The following DPP10 variants were observed in gnomAD, a reference collection of about 807,000 sequenced individuals.
DPP10 encodes the protein dipeptidyl peptidase like 10.
Under a neutral mutation model 120.9 loss-of-function variants are expected in DPP10, and 33 were observed. The observed-to-expected ratio is 0.27, with a 90% confidence interval of 0.21 to 0.37. DPP10 has a LOEUF of 0.37. Ranked by LOEUF, DPP10 falls within the 10% of genes least tolerant of loss-of-function variation. The probability of loss-of-function intolerance (pLI) is 1.00; values close to 1 mark genes in which losing one functional copy is unlikely to be tolerated. For missense variants in DPP10, 816 were observed against 942.8 expected (o/e 0.87, Z 1.76); for synonymous variants, 337 against 326.1 (o/e 1.03, Z -0.36).
At chr2:115,476,172 G>A (rs981797932) in intron 3 of DPP10, among the ~76,000 whole-genome samples, 11 of 152,104 alleles carry the variant, frequency 7.2e-5, no homozygotes, top group African/African-American at 2.4e-4. Flanking sequence ...CTCCAATGCT[G>A]GACCTAAAGC....
At chr2:115,172,387 A>T (rs1403724525) in intron 1 of DPP10, among the ~76,000 whole-genome samples, 2 of 152,006 alleles carry the variant, frequency 1.3e-5, no homozygotes, top group Non-Finnish European at 2.9e-5. Flanking sequence ...CCGTCTCAAA[A>T]AAAAAAAAAA....
At chr2:114,662,933 CACTTTTGATT>C (rs1251788333) in intron 1 of DPP10, among the ~76,000 whole-genome samples, 2 of 152,112 alleles carry the variant, frequency 1.3e-5, no homozygotes, top group Non-Finnish European at 2.9e-5. Flanking sequence ...CGCCTTAAGG[CACTTTTGATT>C]GAGTTCTTGT....
intron 1 of DPP10, among the ~76,000 whole-genome samples, chr2:114,843,791 G>A (rs1688342511): frequency 6.6e-6 from 1 of 152,080 alleles, no homozygotes. Flanking sequence ...TCCCTGCCGA[G>A]GGAGATTGTC....
chr2:115,565,676 G>T lies in DPP10; in HGVS notation c.441+39704G>T, dbSNP rs1469063719. Among the ~76,000 whole-genome samples the T allele has an allele frequency of 2.6e-5, 4 of 151,058 alleles. No homozygotes were observed. In the East Asian group the frequency reaches 7.8e-4, roughly 29 times the overall value. On this transcript the variant is annotated intron_variant, in intron 5 of 25. Transcript: ENST00000410059. ...GACTTGATATTTTTAAGGAGTACGGGACAATTATTTTATAGATGCTGCTCC... is the reference window on the plus strand; with the variant it reads ...GACTTGATATTTTTAAGGAGTACGGTACAATTATTTTATAGATGCTGCTCC...
intron 3 of DPP10, chr2:115,468,363 C>G: frequency 2.0e-6 from 1 of 510,376 alleles, no homozygotes; most frequent in Admixed American, 2.0e-5. Flanking sequence ...CTGCTTCACT[C>G]TTGGGATGTT....
intron 1 of DPP10, among the ~76,000 whole-genome samples, chr2:115,038,586 A>G (rs1704402875): frequency 6.6e-6 from 1 of 152,076 alleles, no homozygotes; most frequent in Admixed American, 6.5e-5. Flanking sequence ...CTCAGCACAT[A>G]TTTATTAGGC....
chr2:115,508,568 T>C (rs569210476), intron 4 of DPP10, among the ~76,000 whole-genome samples: 58 of 152,336 alleles, frequency 3.8e-4, no homozygotes, highest in African/African-American at 1.3e-3. Context: ...TCTAATGCAT[T>C]GGCTGTATCT....
intron 1 of DPP10, among the ~76,000 whole-genome samples, chr2:115,255,435 GA>G (rs1317736197): frequency 6.6e-6 from 1 of 152,202 alleles, no homozygotes; most frequent in Admixed American, 6.5e-5. Flanking sequence ...AGAGGTCTCT[GA>G]CATGCCCTAA....
chr2:115,311,344 T>C (rs115314475), intron 2 of DPP10, among the ~76,000 whole-genome samples: 1 of 152,332 alleles, frequency 6.6e-6, no homozygotes, highest in Non-Finnish European at 1.5e-5. Flanking sequence ...CTGCTGCTGC[T>C]ATTCCTTTGA....
intron 1 of DPP10, among the ~76,000 whole-genome samples, chr2:114,842,228 G>A (rs1013875747): frequency 1.3e-5 from 2 of 152,008 alleles, no homozygotes; most frequent in Non-Finnish European, 2.9e-5. Context: ...CAACAATTAT[G>A]TCTTATCTAC....
intron 1 of DPP10, among the ~76,000 whole-genome samples, chr2:114,603,500 A>G (rs1160913156): frequency 1.3e-5 from 2 of 152,056 alleles, no homozygotes; most frequent in Admixed American, 6.6e-5. Flanking sequence ...AACTCCAAAC[A>G]TAGTACCTAA....
intron 5 of DPP10, among the ~76,000 whole-genome samples, chr2:115,653,509 A>C (rs2087992072): frequency 6.6e-6 from 1 of 151,968 alleles, no homozygotes; most frequent in Admixed American, 6.6e-5. Context: ...TACTTTATTT[A>C]ATGCTCCTAA....
chr2:114,906,590 T>C (rs1271197560), intron 1 of DPP10, among the ~76,000 whole-genome samples: 1 of 152,098 alleles, frequency 6.6e-6, no homozygotes, highest in African/African-American at 2.4e-5. Flanking sequence ...TTTCTAATGG[T>C]TTTTCTGTAG....
At chr2:115,576,823 C>A (rs1268348841) in intron 5 of DPP10, among the ~76,000 whole-genome samples, 2 of 152,190 alleles carry the variant, frequency 1.3e-5, no homozygotes, top group African/African-American at 2.4e-5. Context: ...CAACAGTGGG[C>A]AGTACATAAT....
intron 1 of DPP10, among the ~76,000 whole-genome samples, chr2:115,082,688 G>A (rs910668712): frequency 8.5e-5 from 13 of 152,136 alleles, no homozygotes; most frequent in African/African-American, 2.7e-4. Context: ...AGTCCATATG[G>A]AAAGGTGCCC....
intron 1 of DPP10, among the ~76,000 whole-genome samples, chr2:114,988,938 T>A (rs1313816828): frequency 6.6e-6 from 1 of 151,626 alleles, no homozygotes; most frequent in Non-Finnish European, 1.5e-5. Context: ...TTATTTACCA[T>A]CTGCAATTAA....
At chr2:114,475,877 G>C (rs913968179) in intron 1 of DPP10, among the ~76,000 whole-genome samples, 1 of 152,192 alleles carries the variant, frequency 6.6e-6, no homozygotes, top group Admixed American at 6.5e-5. Flanking sequence ...ATAGTGACTA[G>C]GCGGTGCAGT....
Position 115,660,655 on chromosome 2 carries a change from C to CTTTTTTTTTTTTTTTTTTTTT in DPP10, c.442-29028_442-29008dup. On this transcript the variant is annotated intron_variant, in intron 5 of 25. Transcript: ENST00000410059. ...CCTTCCTTTCATTCTCTCTGTCTGGCTTTTTTTTTTTTTTTTTTTTTTTTG... is the reference window on the plus strand; with the variant it reads ...CCTTCCTTTCATTCTCTCTGTCTGGCTTTTTTTTTTTTTTTTTTTTTTTTTTTTTTTTTTTTTTTTTTTTTG... Among the ~76,000 whole-genome samples the CTTTTTTTTTTTTTTTTTTTTT allele has an allele frequency of 1.0e-3, 26 of 25,324 alleles. 1 individual carries two copies. The highest frequency in any genetic ancestry group is 3.7e-3 in the South Asian group (1 of 272). The allele number at this position is 25,324 out of a possible 152,430, so 16.6% of individuals were successfully genotyped here. A position where few individuals can be genotyped will look rare whatever the true frequency, so the allele number is the denominator to read the frequency against.
At chr2:115,331,879 A>G (rs1014967541) in intron 2 of DPP10, among the ~76,000 whole-genome samples, 3 of 152,012 alleles carry the variant, frequency 2.0e-5, no homozygotes, top group South Asian at 2.1e-4. Context: ...TTGGTCTAAA[A>G]TTCTCTTTTT....
Sources: allele counts gnomAD v4.1 joint callset (sites outside exome capture counted in the v4.1 genomes callset), GRCh38; gene constraint gnomAD v4.1.1; transcripts MANE v1.5; gene names NCBI Gene and HGNC (gene_info 2026-07-23, HGNC 2026-07-21).